The following DST variants were observed in gnomAD, a reference collection of about 807,000 sequenced individuals.
DST encodes dystonin, also known as bullous pemphigoid antigen.
In DST, 253 loss-of-function variants were observed where a neutral mutation model predicts 875.2. That is an observed-to-expected ratio of 0.29 (90% CI 0.26 to 0.32). The LOEUF (loss-of-function observed/expected upper bound fraction) is 0.32, where lower values mean the gene tolerates loss of function less well. Ranked by LOEUF, DST falls within the 10% of genes least tolerant of loss-of-function variation. The pLI is 1.00. For synonymous variants in DST, 3,124 were observed against 3,197.1 expected, an observed-to-expected ratio of 0.98 and a Z score of 0.77; for missense variants, 8,287 against 9,111.6, an observed-to-expected ratio of 0.91 and a Z score of 3.68.
At chr6:56,773,273 A>G (rs1021130960) in intron 4 of DST, among the ~76,000 whole-genome samples, 4 of 152,108 alleles carry the variant, frequency 2.6e-5, no homozygotes, top group African/African-American at 9.7e-5. Flanking sequence ...AGATACAGTC[A>G]TCTTTTATTC....
At position 56,458,659 on chromosome 6, in the gene DST, T is replaced by TATCC. The variant is rs1366581451; in HGVS notation, c.*342_*345dup. The TATCC allele has an allele frequency of 1.2e-5, 2 of 169,988 alleles. No individual in the cohort carries two copies. The highest frequency in any genetic ancestry group is 3.2e-4 in the East Asian group (2 of 6,232). The allele number at this position is 169,988 out of a possible 1,614,324, so 10.5% of individuals were successfully genotyped here. ...ATAAAAACAGGAAAATGTCATGAGG[T>TATCC]ATCCCTAACGTCAGGGATTGATGTA... On this transcript the variant is annotated 3_prime_UTR_variant, in exon 104 of 104. Coordinates refer to ENST00000680361, the MANE Select transcript of DST (RefSeq NM_001374736.1).
intron 2 of DST, among the ~76,000 whole-genome samples, chr6:56,943,104 C>A (rs1175021522): frequency 2.0e-5 from 3 of 152,112 alleles, no homozygotes; most frequent in Non-Finnish European, 4.4e-5. Context: ...CAAAGCACAG[C>A]ATTTGGCTCT....
In DST at chr6:56,628,177, C is replaced by G. The variant is rs1250802534; in HGVS notation, c.4476-16G>C. 1 of 1,611,094 alleles carries G rather than the reference C, an allele frequency of 6.2e-7. No homozygotes were observed. The highest frequency in any genetic ancestry group is 1.3e-5 in the African/African-American group (1 of 74,824). On this transcript the variant is annotated splice_polypyrimidine_tract_variant and intron_variant, in intron 32 of 103. Coordinates refer to ENST00000680361, the MANE Select transcript of DST (RefSeq NM_001374736.1). ...GTCCCGTAACCTAAGAGAATAGTAA[C>G]CGAATAGTCACGGTGTCCAGCGATA...
intron 4 of DST, among the ~76,000 whole-genome samples, chr6:56,818,913 G>A (rs2099769798): frequency 6.6e-6 from 1 of 152,058 alleles, no homozygotes. Context: ...TTACTTTGAT[G>A]AATAACGCAT....
intron 4 of DST, among the ~76,000 whole-genome samples, chr6:56,768,953 G>A (rs1270414723): frequency 2.0e-5 from 3 of 152,044 alleles, no homozygotes; most frequent in Non-Finnish European, 4.4e-5. Context: ...AGAGTCAGAG[G>A]TTGCAGTGAG....
At chr6:56,940,093 CA>C (rs1030805827) in intron 2 of DST, among the ~76,000 whole-genome samples, 1 of 151,372 alleles carries the variant, frequency 6.6e-6, no homozygotes, top group Non-Finnish European at 1.5e-5. Flanking sequence ...ATCATACTAT[CA>C]AAAATGTCAT....
At chr6:56,868,047 G>T (rs1329776920) in intron 3 of DST, among the ~76,000 whole-genome samples, 1 of 152,060 alleles carries the variant, frequency 6.6e-6, no homozygotes, top group Admixed American at 6.5e-5. Flanking sequence ...ATATTATTAT[G>T]TAGTTTTTTT....
At chr6:56,586,620 T>C (rs1054733999) in intron 49 of DST, among the ~76,000 whole-genome samples, 21 of 152,160 alleles carry the variant, frequency 1.4e-4, no homozygotes, top group African/African-American at 4.6e-4. Context: ...AGTGGGTCCC[T>C]GACCCCTGAC....
At chr6:56,773,107 C>G (rs1256405471) in intron 4 of DST, among the ~76,000 whole-genome samples, 1 of 152,078 alleles carries the variant, frequency 6.6e-6, no homozygotes, top group African/African-American at 2.4e-5. Context: ...GAGATGACTA[C>G]AACACCTTGA....
chr6:56,519,039 C>A (rs1214404516), intron 69 of DST, among the ~76,000 whole-genome samples: 1 of 152,098 alleles, frequency 6.6e-6, no homozygotes, highest in Non-Finnish European at 1.5e-5. Context: ...ATAAAACATA[C>A]ATAAGAAGAT....
At position 56,607,851 on chromosome 6, in the gene DST, T is replaced by TA. The variant is rs1563152567; in HGVS notation, c.6776dup (p.Phe2260IlefsTer3). 7 of 1,613,632 alleles carry TA rather than the reference T, an allele frequency of 4.3e-6. No individual in the cohort carries two copies. The highest frequency in any genetic ancestry group is 5.9e-6 in the Non-Finnish European group (7 of 1,179,720). On this transcript the variant is annotated frameshift_variant, in exon 40 of 104. Coordinates refer to ENST00000680361, the MANE Select transcript of DST (RefSeq NM_001374736.1). LOFTEE classifies it high-confidence loss of function. ...CTCTACCTGAAGCATTATTAAGAAA[T>TA]ACACCAGATGAGCTTAAGACATCGA...
rs745756877 is a variant in DST, at chr6:56,526,615, TTTTCC to T, written c.17923-53_17923-49del. ...GTAACACTTAAGAGCTTCAACAGAC[TTTTCC>T]TTTAACTGTTCTTGGAGCTCAAGTC... On this transcript the variant is annotated intron_variant, in intron 68 of 103. Transcript: ENST00000680361. 85 of 1,557,010 alleles carry T rather than the reference TTTTCC, an allele frequency of 5.5e-5. No homozygotes were observed. In the East Asian group the frequency reaches 1.8e-3, roughly 33 times the overall value.
rs762788206 is a variant in DST at position 56,485,366 on chromosome 6, G to T, written c.21153C>A (p.Asp7051Glu). The T allele has an allele frequency of 1.9e-6, 3 of 1,613,900 alleles. No individual in the cohort carries two copies. The highest frequency in any genetic ancestry group is 1.7e-5 in the Admixed American group (1 of 60,024). Residue 7051 changes from aspartate to glutamate, a missense_variant, in exon 88 of 104, where the codon GAC (aspartate) becomes GAA (glutamate). By Grantham distance (45) the Asp-to-Glu change is conservative. Transcript: ENST00000680361. ...LYRVEPQLAE[D>E]QPVHGDIDLV... is the part of the protein sequence containing the mutation. ...AATCAATGTCTCCATGAACAGGCTG[G>T]TCTTCTGCCAGCTGGGGTTCAACTC...
intron 4 of DST, among the ~76,000 whole-genome samples, chr6:56,823,989 C>T (rs2099776153): frequency 6.6e-6 from 1 of 152,084 alleles, no homozygotes; most frequent in Non-Finnish European, 1.5e-5. Flanking sequence ...AAAATATCCT[C>T]TGCCTCTGCC....
At chr6:56,647,688 G>GTTGTTTTTTTTTTTTTTTTTTTTTT (rs1491402943) in intron 13 of DST, among the ~76,000 whole-genome samples, 12 of 126,886 alleles carry the variant, frequency 9.5e-5, no homozygotes, top group African/African-American at 3.5e-4. Flanking sequence ...TTTTTGTAAT[G>GTTGTTTTTTTTTTTTTTTTTTTTTT]TTTTTTTTTT....
intron 99 of DST, among the ~76,000 whole-genome samples, chr6:56,465,437 C>T (rs528321912): frequency 3.6e-4 from 55 of 152,008 alleles, no homozygotes; most frequent in Non-Finnish European, 6.3e-4. Flanking sequence ...ATCAAATGAC[C>T]ACGTGTAACG....
Position 56,648,696 on chromosome 6 carries a change from C to A in DST, c.1435-7G>T. On this transcript the variant is annotated splice_region_variant and splice_polypyrimidine_tract_variant and intron_variant, in intron 12 of 103. Coordinates refer to ENST00000680361, the MANE Select transcript of DST (RefSeq NM_001374736.1). ...TCCATTTGACTTCAACATCCTAGAA[C>A]AATCAAATGATAGAAAAGGTTCACA... is the stretch of plus-strand genomic sequence containing the variant. 6.4e-7 allele frequency: 1 copy of A among 1,554,070 alleles called. No homozygotes were observed. Among genetic ancestry groups the A allele is most frequent in the Non-Finnish European group, 8.7e-7 (1 of 1,147,898 alleles).
chr6:56,709,970 G>A (rs2099356463), intron 5 of DST, among the ~76,000 whole-genome samples: 1 of 152,180 alleles, frequency 6.6e-6, no homozygotes, highest in Non-Finnish European at 1.5e-5. Context: ...GGTGGAAGAT[G>A]AGGCTGGAAC....
intron 50 of DST, among the ~76,000 whole-genome samples, chr6:56,577,740 C>A (rs2097895434): frequency 6.6e-6 from 1 of 151,934 alleles, no homozygotes; most frequent in Non-Finnish European, 1.5e-5. Context: ...TATTCACACA[C>A]AGAAATACAC....
Sources: allele counts gnomAD v4.1 joint callset (sites outside exome capture counted in the v4.1 genomes callset), GRCh38; gene constraint gnomAD v4.1.1; transcripts MANE v1.5; gene names NCBI Gene and HGNC (gene_info 2026-07-23, HGNC 2026-07-21).